Variants in TCF4 observed in about 807,000 individuals in gnomAD.
The protein encoded by TCF4 is transcription factor 4.
A neutral mutation model predicts 82.1 loss-of-function variants in TCF4; 3 were observed. That is an observed-to-expected ratio of 0.04 (90% CI 0.02 to 0.09). The LOEUF is 0.09. TCF4 is among the 10% of genes least tolerant of loss of function. The pLI is 1.00. For missense variants in TCF4, 518 were observed against 852.7 expected, an observed-to-expected ratio of 0.61 and a Z score of 4.89; for synonymous variants, 276 against 309.6, an observed-to-expected ratio of 0.89 and a Z score of 1.14.
At chr18:55,285,571 A>C (rs1226290310) in intron 8 of TCF4, among the ~76,000 whole-genome samples, 2 of 152,208 alleles carry the variant, frequency 1.3e-5, no homozygotes, top group African/African-American at 2.4e-5. Flanking sequence ...TCCCTCAGTC[A>C]CAGTAGCCAT....
chr18:55,376,665 C>T (rs1298977197), intron 6 of TCF4, among the ~76,000 whole-genome samples: 3 of 152,276 alleles, frequency 2.0e-5, no homozygotes, highest in South Asian at 2.1e-4. Context: ...TTGCATATAT[C>T]ACATCCGACT....
chr18:55,399,996 T>A lies in TCF4; in HGVS notation c.369+3458A>T, dbSNP rs569814110. ...GAAAGAAAATACAAACAATTCCTGA[T>A]AATCAACTCTAAACTTCCATTTAAG... On this transcript the variant is annotated intron_variant, in intron 6 of 19. Transcript: ENST00000354452. Among the ~76,000 whole-genome samples the A allele has an allele frequency of 2.0e-5, 3 of 151,760 alleles. No individual in the cohort carries two copies. In the East Asian group the frequency reaches 5.8e-4, roughly 29 times the overall value.
chr18:55,437,052 A>AT (rs2095344634), intron 5 of TCF4, among the ~76,000 whole-genome samples: 1 of 152,234 alleles, frequency 6.6e-6, no homozygotes, highest in Admixed American at 6.5e-5. Flanking sequence ...ATCCTTAGCT[A>AT]TTTCCCTAAC....
At chr18:55,631,500 TG>T in intron 1 of TCF4, 2 of 1,118,768 alleles carry the variant, frequency 1.8e-6, no homozygotes, top group Non-Finnish European at 2.5e-6. Flanking sequence ...GTTAGGGTAA[TG>T]CCCTACAGGG....
chr18:55,257,486 A>G (rs1600411518), intron 13 of TCF4, 95 bp from the exon 14 acceptor site: 1 of 1,197,578 alleles, frequency 8.4e-7, no homozygotes, highest in East Asian at 2.4e-5. Flanking sequence ...GGCAATGGCA[A>G]TGATGATTTT....
chr18:55,594,705 T>C (rs1394905756), intron 2 of TCF4, among the ~76,000 whole-genome samples: 2 of 152,162 alleles, frequency 1.3e-5, no homozygotes, highest in African/African-American at 4.8e-5. Context: ...TACCAAGCCA[T>C]GGGGACAGTG....
intron 3 of TCF4, chr18:55,510,559 C>G: frequency 6.8e-7 from 1 of 1,470,458 alleles, no homozygotes; most frequent in Non-Finnish European, 9.1e-7. Context: ...TTTTAAAATA[C>G]AAGTTACATA....
chr18:55,584,754 T>C (rs956799148), intron 3 of TCF4, among the ~76,000 whole-genome samples: 1 of 152,176 alleles, frequency 6.6e-6, no homozygotes, highest in Admixed American at 6.5e-5. Flanking sequence ...AAGGGTATTT[T>C]AAATATAAAT....
At chr18:55,599,974 A>G (rs1052595507) in intron 2 of TCF4, among the ~76,000 whole-genome samples, 1 of 152,130 alleles carries the variant, frequency 6.6e-6, no homozygotes, top group Non-Finnish European at 1.5e-5. Context: ...CATCCAGTGT[A>G]TATTCAACTC....
chr18:55,343,035 T>C (rs2080345537), intron 8 of TCF4, among the ~76,000 whole-genome samples: 2 of 152,158 alleles, frequency 1.3e-5, no homozygotes, highest in South Asian at 2.1e-4. Flanking sequence ...TTAGGTATTC[T>C]TTCTCAGATG....
intron 15 of TCF4, among the ~76,000 whole-genome samples, chr18:55,235,345 C>G (rs976746834): frequency 1.3e-5 from 2 of 152,092 alleles, no homozygotes; most frequent in African/African-American, 4.8e-5. Flanking sequence ...GCCACCACAC[C>G]GGAAAATGTA....
intron 5 of TCF4, among the ~76,000 whole-genome samples, chr18:55,413,486 C>T (rs879403551): frequency 2.0e-5 from 3 of 152,184 alleles, no homozygotes; most frequent in Non-Finnish European, 4.4e-5. Context: ...AGAATGGGCC[C>T]ATAATAATAA....
In TCF4 at chr18:55,603,491, ATTCT is replaced by A. The variant is rs1454043602; in HGVS notation, c.287-16359_287-16356del. The stretch of plus-strand genomic sequence containing the variant: ...ATTATTATTATTATTTATTGAGCTC[ATTCT>A]ATTTTGAAGAATGCCAGATATGATC... On this transcript the variant is annotated intron_variant, in intron 2 of 20. Transcript: ENST00000398339. 2.6e-5 allele frequency among the ~76,000 whole-genome samples: 4 copies of A among 152,226 alleles called. 1 individual carries two copies. The highest frequency in any genetic ancestry group is 6.5e-5 in the Admixed American group (1 of 15,272).
chr18:55,625,483 C>T (rs1221670200), intron 2 of TCF4, among the ~76,000 whole-genome samples: 6 of 152,126 alleles, frequency 3.9e-5, no homozygotes, highest in Non-Finnish European at 8.8e-5. Flanking sequence ...GTGGTCCACC[C>T]GCCTTGGCCT....
intron 3 of TCF4, among the ~76,000 whole-genome samples, chr18:55,574,513 C>T (rs796453800): frequency 1.3e-5 from 2 of 152,006 alleles, no homozygotes; most frequent in African/African-American, 2.4e-5. Context: ...TTAGTAGAAA[C>T]GGGATTTCTA....
At chr18:55,583,627 T>C (rs762043572) in intron 3 of TCF4, among the ~76,000 whole-genome samples, 1 of 152,118 alleles carries the variant, frequency 6.6e-6, no homozygotes, top group Admixed American at 6.5e-5. Context: ...ATGCATATTT[T>C]CACAACATTG....
intron 3 of TCF4, among the ~76,000 whole-genome samples, chr18:55,571,203 A>G (rs977798597): frequency 1.1e-4 from 16 of 152,218 alleles, no homozygotes; most frequent in African/African-American, 3.9e-4. Context: ...GCATAAATAA[A>G]CTACAACCTA....
chr18:55,594,805 C>T (rs115835905), intron 2 of TCF4, among the ~76,000 whole-genome samples: 106 of 152,318 alleles, frequency 7.0e-4, no homozygotes, highest in African/African-American at 2.5e-3. Flanking sequence ...AGGAGACTGA[C>T]GCAGCCGCAT....
intron 3 of TCF4, chr18:55,551,107 C>T (rs1353606042): frequency 6.6e-6 from 1 of 152,192 alleles, no homozygotes; most frequent in African/African-American, 2.4e-5. Context: ...CCAAGCCTGG[C>T]TAATTTTTGT....
Sources: allele counts gnomAD v4.1 joint callset (sites outside exome capture counted in the v4.1 genomes callset), GRCh38; gene constraint gnomAD v4.1.1; transcripts MANE v1.5; gene names NCBI Gene and HGNC (gene_info 2026-07-23, HGNC 2026-07-21).